CRYBG1: variants seen among roughly 807,000 people sequenced by gnomAD.
CRYBG1 encodes beta/gamma crystallin domain-containing protein 1.
Under a neutral mutation model 189.2 loss-of-function variants are expected in CRYBG1, and 139 were observed. The observed-to-expected ratio is 0.73, with a 90% confidence interval of 0.64 to 0.85. CRYBG1 has a LOEUF of 0.85. Among genes scored for constraint, CRYBG1 ranks in the 40% least tolerant of loss-of-function variants. The probability of loss-of-function intolerance (pLI) is 0.00; values close to 1 mark genes in which losing one functional copy is unlikely to be tolerated. For missense variants in CRYBG1, 2,611 were observed against 2,675.8 expected (o/e 0.98, Z 0.53); for synonymous variants, 1,023 against 1,017.1 (o/e 1.01, Z -0.11).
At chr6:106,483,408 T>TGTATA (rs1241386087) in intron 2 of CRYBG1, among the ~76,000 whole-genome samples, 1 of 121,424 alleles carries the variant, frequency 8.2e-6, no homozygotes, top group Non-Finnish European at 1.9e-5. Context: ...ATATAAAACA[T>TGTATA]TTTCTTTATC....
In CRYBG1 at chr6:106,423,231, G is replaced by A. The variant is rs192200800; in HGVS notation, c.174-28463G>A. On this transcript the variant is annotated intron_variant, in intron 1 of 21. Coordinates refer to ENST00000633556, the MANE Select transcript of CRYBG1 (RefSeq NM_001371242.2). ...ACTAAAAGAAACTTGCCTCATCAAA[G>A]TAAGTGCTAGAGTTGGCTGGTTTTT... Among the ~76,000 whole-genome samples, 395 of 138,382 alleles carry A rather than the reference G, an allele frequency of 2.9e-3. 1 individual carries two copies. The highest frequency in any genetic ancestry group is 4.8e-3 in the Non-Finnish European group (309 of 64,970). 90.8% of individuals were successfully genotyped at this position (138,382 alleles called of 152,430 possible). A position where few individuals can be genotyped will look rare whatever the true frequency, so the allele number is the denominator to read the frequency against.
chr6:106,388,945 T>A (rs17066934), intron 1 of CRYBG1, among the ~76,000 whole-genome samples: 2 of 152,158 alleles, frequency 1.3e-5, no homozygotes, highest in African/African-American at 4.8e-5. Flanking sequence ...CTTTTAAACC[T>A]AAAGAGACTG....
chr6:106,449,679 C>G (rs1303768391), intron 1 of CRYBG1, among the ~76,000 whole-genome samples: 1 of 152,120 alleles, frequency 6.6e-6, no homozygotes, highest in Admixed American at 6.5e-5. Context: ...TCAGTTGTTA[C>G]TTAAATTCTC....
intron 1 of CRYBG1, among the ~76,000 whole-genome samples, chr6:106,361,493 T>C (rs1771868083): frequency 6.6e-6 from 1 of 152,176 alleles, no homozygotes; most frequent in African/African-American, 2.4e-5. Flanking sequence ...TTATTGTGAA[T>C]ATCTGTAAGA....
chr6:106,498,866 C>T (rs935001667), intron 2 of CRYBG1, among the ~76,000 whole-genome samples: 1 of 151,626 alleles, frequency 6.6e-6, no homozygotes, highest in Non-Finnish European at 1.5e-5. Flanking sequence ...AAAAGTGAGA[C>T]CCGTCTCAAA....
At chr6:106,553,924 G>A (rs1049547969) in intron 16 of CRYBG1, among the ~76,000 whole-genome samples, 1 of 152,162 alleles carries the variant, frequency 6.6e-6, no homozygotes, top group African/African-American at 2.4e-5. Context: ...AAGGTAGAAA[G>A]TACACGCTGG....
rs530890768 is a variant in CRYBG1, at chr6:106,525,291, C to T, written c.4317C>T (p.Asp1439=). 22 of 1,614,104 alleles carry T rather than the reference C, an allele frequency of 1.4e-5. No homozygotes were observed. The highest frequency in any genetic ancestry group is 1.7e-5 in the Admixed American group (1 of 60,018). ...PGKVVIYSEP[D]VSEKCIEVFS... ...AGGTAGTGATATATAGTGAACCCGA[C>T]GTCTCTGAGAAGTGCATTGAAGTTT... is the stretch of plus-strand genomic sequence containing the variant. The change falls in exon 6 of 22, where the codon GAC becomes GAT. Residue 1439 remains aspartate, a synonymous_variant. Transcript: ENST00000633556.
intron 1 of CRYBG1, among the ~76,000 whole-genome samples, chr6:106,371,820 C>A (rs184032012): frequency 6.6e-6 from 1 of 152,196 alleles, no homozygotes; most frequent in Non-Finnish European, 1.5e-5. Context: ...CGTAATGTTA[C>A]CCTGTAAAAG....
At chr6:106,433,747 A>G (rs867903542) in intron 1 of CRYBG1, among the ~76,000 whole-genome samples, 1,535 of 31,068 alleles carry the variant, frequency 0.049, 76 homozygotes, top group African/African-American at 0.16. Flanking sequence ...ATATATATGT[A>G]TATATATATG....
At position 106,451,922 on chromosome 6, in the gene CRYBG1, C is replaced by G. The variant is rs935054517; in HGVS notation, c.312+90C>G. On this transcript the variant is annotated intron_variant, in intron 2 of 21. Transcript: ENST00000633556. ...AGATAGCCTGTCTAAGAAACACATA[C>G]TTAAAAGTAATGGTATATATTGTAT... 12 of 1,043,202 alleles carry G rather than the reference C, an allele frequency of 1.2e-5. No individual in the cohort carries two copies. The South Asian group carries it at 2.4e-4, about 21-fold the overall frequency. The allele number at this position is 1,043,202 out of a possible 1,614,324, so 64.6% of individuals were successfully genotyped here.
Position 106,492,385 on chromosome 6 carries a change from C to T in CRYBG1, c.313-19045C>T, listed in dbSNP as rs73515124. Among the ~76,000 whole-genome samples the T allele has an allele frequency of 4.1e-3, 616 of 151,992 alleles. 6 individuals carry two copies. Among genetic ancestry groups the T allele is most frequent in the African/African-American group, 0.014 (593 of 41,428 alleles). On this transcript the variant is annotated intron_variant, in intron 2 of 21. Transcript: ENST00000633556. ...TTCAAGTACTTATAAAGTAATAGTA[C>T]CAAACAAATGTTTATAATATGAATG...
rs1051037837 is a variant in CRYBG1, at chr6:106,473,710, G to A, written c.312+21878G>A. ...CTTGAATGGCAAGAATTTTAAATAC[G>A]GTAATATTCCTGATCTACTCTTAAT... On this transcript the variant is annotated intron_variant, in intron 2 of 21. Coordinates refer to ENST00000633556, the MANE Select transcript of CRYBG1 (RefSeq NM_001371242.2). Among the ~76,000 whole-genome samples the A allele has an allele frequency of 2.6e-5, 4 of 152,120 alleles. No individual in the cohort carries two copies. In the South Asian group the frequency reaches 8.3e-4, roughly 31 times the overall value.
At chr6:106,558,716 A>G in intron 18 of CRYBG1, 91 bp downstream of exon 18, 1 of 1,035,258 alleles carries the variant, frequency 9.7e-7, no homozygotes, top group Non-Finnish European at 1.3e-6. Context: ...TATTCCCAAC[A>G]CTTTAGGAGG....
chr6:106,556,881 A>G (rs1468683970), intron 17 of CRYBG1, among the ~76,000 whole-genome samples: 2 of 152,242 alleles, frequency 1.3e-5, no homozygotes, highest in Non-Finnish European at 2.9e-5. Context: ...TTAGCTTACA[A>G]GTAATGAATA....
At chr6:106,441,431 A>C (rs768945203) in intron 1 of CRYBG1, among the ~76,000 whole-genome samples, 2 of 152,172 alleles carry the variant, frequency 1.3e-5, no homozygotes, top group Non-Finnish European at 2.9e-5. Flanking sequence ...TGAGGTGATA[A>C]ATATCAGTCC....
chr6:106,463,253 C>A (rs201085451), intron 2 of CRYBG1, among the ~76,000 whole-genome samples: 13 of 148,084 alleles, frequency 8.8e-5, no homozygotes, highest in South Asian at 2.1e-4. Context: ...AAAAAAAAAA[C>A]AACAACTTCT....
rs1257016786 is a variant in CRYBG1 at position 106,563,053 on chromosome 6, C to T, written c.6139-711C>T. Among the ~76,000 whole-genome samples the T allele has an allele frequency of 2.0e-5, 3 of 152,104 alleles. No homozygotes were observed. The East Asian group carries it at 5.8e-4, about 29-fold the overall frequency. ...CAAGTGATCCTCTCACCTTGGCCTCCCAAAGAGTTGGGATTACAGTTGTGA... is the reference window on the plus strand; with the variant it reads ...CAAGTGATCCTCTCACCTTGGCCTCTCAAAGAGTTGGGATTACAGTTGTGA... On this transcript the variant is annotated intron_variant, in intron 20 of 21. Coordinates refer to ENST00000633556, the MANE Select transcript of CRYBG1 (RefSeq NM_001371242.2).
rs752822054 is a variant in CRYBG1 at position 106,521,226 on chromosome 6, AAAG to A, written c.4023_4025del (p.Glu1341del). On this transcript the variant is annotated inframe_deletion, in exon 4 of 22. Transcript: ENST00000633556. ...AAAATACCCGCAAAAAGAGAAAACC[AAAG>A]AAGATCTGGATTCACGAAGCAACCT... 4 of 1,614,098 alleles carry A rather than the reference AAAG, an allele frequency of 2.5e-6. No homozygotes were observed. The highest frequency in any genetic ancestry group is 1.7e-5 in the Admixed American group (1 of 59,990).
At position 106,560,894 on chromosome 6, in the gene CRYBG1, C is replaced by T. The variant is rs200927297; in HGVS notation, c.5947C>T (p.Arg1983Cys). The T allele has an allele frequency of 2.5e-4, 408 of 1,612,184 alleles. No homozygotes were observed. Among genetic ancestry groups the T allele is most frequent in the Non-Finnish European group, 3.4e-4 (402 of 1,179,248 alleles). Residue 1983 changes from arginine to cysteine, a missense_variant, in exon 19 of 22, where the codon CGC (arginine) becomes TGC (cysteine). Transcript: ENST00000633556. ...VPNWYEFSGC[R>C]QIGSLRPFVQ... The stretch of plus-strand genomic sequence containing the variant: ...TAATTGGTATGAATTCAGTGGCTGT[C>T]GCCAAATAGGTTCTCTACGACCTTT...
Sources: allele counts gnomAD v4.1 joint callset (sites outside exome capture counted in the v4.1 genomes callset), GRCh38; gene constraint gnomAD v4.1.1; transcripts MANE v1.5; gene names NCBI Gene and HGNC (gene_info 2026-07-23, HGNC 2026-07-21).